The following RPTOR variants were observed in gnomAD, a reference collection of about 807,000 sequenced individuals.
The protein encoded by RPTOR is regulatory associated protein of MTOR complex 1.
In RPTOR, 21 loss-of-function variants were observed where a neutral mutation model predicts 169.9. The ratio of observed to expected loss-of-function variants is 0.12; its 90% CI spans 0.09 to 0.18. RPTOR has a LOEUF of 0.18. RPTOR is among the 10% of genes least tolerant of loss of function. RPTOR has a pLI of 1.00. For synonymous variants in RPTOR, 732 were observed against 753.2 expected (o/e 0.97, Z 0.46); for missense variants, 1,133 against 1,855.9 (o/e 0.61, Z 7.16).
rs117593667 is a variant in RPTOR at position 80,689,627 on chromosome 17, T to C, written c.349-18214T>C. On this transcript the variant is annotated intron_variant, in intron 3 of 33. Coordinates refer to ENST00000306801, the MANE Select transcript of RPTOR (RefSeq NM_020761.3). ...CTGCAGCGAAAAGTCAGAAAGCTAA[T>C]TGGAGGCCATTCATAGGCTGATTCT... Among the ~76,000 whole-genome samples the C allele has an allele frequency of 6.6e-3, 1,006 of 152,364 alleles. 6 individuals are homozygous for C. Among genetic ancestry groups the C allele is most frequent in the Middle Eastern group, 0.014 (4 of 294 alleles).
intron 7 of RPTOR, among the ~76,000 whole-genome samples, chr17:80,816,368 G>C (rs1186794906): frequency 6.6e-6 from 1 of 152,222 alleles, no homozygotes; most frequent in Admixed American, 6.5e-5. Flanking sequence ...TGGGGCCTCC[G>C]GGGTTTCGAG....
chr17:80,739,740 C>A, intron 5 of RPTOR, among the ~76,000 whole-genome samples: 1 of 151,550 alleles, frequency 6.6e-6, no homozygotes, highest in African/African-American at 2.4e-5. Context: ...AAAAAAAATA[C>A]ATAGAGTTAG....
intron 14 of RPTOR, among the ~76,000 whole-genome samples, chr17:80,881,269 T>C (rs2068183359): frequency 6.6e-6 from 1 of 152,242 alleles, no homozygotes; most frequent in African/African-American, 2.4e-5. Flanking sequence ...AACAGGACTA[T>C]TTTCCAAAAG....
At chr17:80,849,033 G>A (rs772547608) in intron 11 of RPTOR, among the ~76,000 whole-genome samples, 12 of 152,148 alleles carry the variant, frequency 7.9e-5, no homozygotes, top group Non-Finnish European at 1.6e-4. Context: ...ATCAATGGGC[G>A]GACCTCCACC....
At chr17:80,874,130 T>G (rs1178202701) in intron 13 of RPTOR, among the ~76,000 whole-genome samples, 2 of 152,170 alleles carry the variant, frequency 1.3e-5, no homozygotes, top group Admixed American at 6.5e-5. Context: ...GCCAGTGATT[T>G]TGCTATGGAC....
rs554544558 is a variant in RPTOR at position 80,796,788 on chromosome 17, G to A, written c.890+5279G>A. ...TTAGTGTCTTTCACTAAGAATCCAC[G>A]TCAGCACTCACAGGGTGAACTCCCG... On this transcript the variant is annotated intron_variant, in intron 7 of 33. Coordinates refer to ENST00000306801, the MANE Select transcript of RPTOR (RefSeq NM_020761.3). Among the ~76,000 whole-genome samples the A allele has an allele frequency of 8.5e-5, 13 of 152,316 alleles. No homozygotes were observed. The South Asian group carries it at 1.0e-3, about 12-fold the overall frequency.
In RPTOR at chr17:80,643,045, A is replaced by T. The variant is rs182105637; in HGVS notation, c.266-683A>T. Among the ~76,000 whole-genome samples the T allele has an allele frequency of 1.9e-3, 291 of 152,356 alleles. 1 individual carries two copies. Among genetic ancestry groups the T allele is most frequent in the African/African-American group, 6.6e-3 (276 of 41,582 alleles). ...TTAAAATGAATGAAGAAAAATATTT[A>T]AAAAATCTTAGCTGAATTTCACATA... is the stretch of plus-strand genomic sequence containing the variant. On this transcript the variant is annotated intron_variant, in intron 2 of 33. Coordinates refer to ENST00000306801, the MANE Select transcript of RPTOR (RefSeq NM_020761.3).
intron 4 of RPTOR, among the ~76,000 whole-genome samples, chr17:80,709,303 G>A (rs182012711): frequency 6.0e-4 from 91 of 152,326 alleles, no homozygotes; most frequent in Middle Eastern, 3.4e-3. Flanking sequence ...GGCCCCTGGC[G>A]TGTCTTTCTC....
chr17:80,639,165 T>C (rs765547820), intron 2 of RPTOR, among the ~76,000 whole-genome samples: 2 of 152,054 alleles, frequency 1.3e-5, no homozygotes, highest in East Asian at 3.9e-4. Flanking sequence ...TTTGCTATTA[T>C]GTATTTTCTC....
chr17:80,838,711 C>T (rs552772672), intron 10 of RPTOR, among the ~76,000 whole-genome samples: 24 of 152,302 alleles, frequency 1.6e-4, no homozygotes, highest in African/African-American at 5.8e-4. Context: ...ATGGGGGAGG[C>T]GGCAGCCTGG....
chr17:80,748,485 C>T lies in RPTOR; in HGVS notation c.655-5525C>T, dbSNP rs1341367111. Among the ~76,000 whole-genome samples the T allele has an allele frequency of 3.7e-5, 3 of 82,104 alleles. 1 individual carries two copies. Among genetic ancestry groups the T allele is most frequent in the Non-Finnish European group, 7.0e-5 (3 of 42,676 alleles). The allele number at this position is 82,104 out of a possible 152,430, so 53.9% of individuals were successfully genotyped here. On this transcript the variant is annotated intron_variant, in intron 5 of 33. Coordinates refer to ENST00000306801, the MANE Select transcript of RPTOR (RefSeq NM_020761.3). ...TGCGGTGTGTGTTTGGAAGCCTTGG[C>T]GGGAGGGCCTGTTGGATGGAGGGAC...
intron 3 of RPTOR, among the ~76,000 whole-genome samples, chr17:80,673,801 C>G (rs2065840472): frequency 6.6e-6 from 1 of 152,210 alleles, no homozygotes; most frequent in Non-Finnish European, 1.5e-5. Context: ...GCATTGGCAG[C>G]CATCAAATGG....
intron 13 of RPTOR, among the ~76,000 whole-genome samples, chr17:80,874,216 T>C (rs1203539628): frequency 6.6e-6 from 1 of 151,872 alleles, no homozygotes; most frequent in Non-Finnish European, 1.5e-5. Flanking sequence ...TTTTTTTTTT[T>C]TTAGACAGTC....
At chr17:80,694,106 C>G (rs1019067381) in intron 3 of RPTOR, among the ~76,000 whole-genome samples, 14 of 152,380 alleles carry the variant, frequency 9.2e-5, no homozygotes, top group African/African-American at 3.4e-4. Context: ...AGCTGTAGAG[C>G]AAATACAGGC....
intron 1 of RPTOR, among the ~76,000 whole-genome samples, chr17:80,598,929 T>TATC (rs1567813333): frequency 6.6e-6 from 1 of 151,862 alleles, no homozygotes; most frequent in Non-Finnish European, 1.5e-5. Context: ...TCTATCTATC[T>TATC]TTTTGAGACT....
chr17:80,545,652 C>T lies in RPTOR; in HGVS notation c.23C>T (p.Ser8Leu). 3 of 1,612,260 alleles carry T rather than the reference C, an allele frequency of 1.9e-6. No homozygotes were observed. The highest frequency in any genetic ancestry group is 2.5e-6 in the Non-Finnish European group (3 of 1,179,140). MESEMLQ[S>L]PLLGLGEEDE... is the part of the protein sequence containing the mutation. ...CTGATGGAGTCCGAAATGCTGCAAT[C>T]GCCTCTTCTGGGCCTGGGGGAGGAA... The change falls in exon 1 of 34, where the codon TCG (serine) becomes TTG (leucine). Residue 8 changes from serine to leucine, a missense_variant. By Grantham distance (145) the Ser-to-Leu change is moderately radical (BLOSUM62 -2). Around this residue, in one of 9 missense-constraint regions of RPTOR, gnomAD observed 47 missense variants for 59.5 expected, o/e 0.79. Coordinates refer to ENST00000306801, the MANE Select transcript of RPTOR (RefSeq NM_020761.3).
intron 7 of RPTOR, among the ~76,000 whole-genome samples, chr17:80,814,056 G>A (rs544082930): frequency 1.3e-5 from 2 of 152,056 alleles, no homozygotes; most frequent in South Asian, 2.1e-4. Context: ...TGGGAGGATC[G>A]CTTGAGGCTG....
At chr17:80,660,103 T>A (rs1309221550) in intron 3 of RPTOR, among the ~76,000 whole-genome samples, 3 of 151,984 alleles carry the variant, frequency 2.0e-5, no homozygotes, top group African/African-American at 7.2e-5. Flanking sequence ...AAACCCTGTC[T>A]CTACTAAAAA....
chr17:80,675,968 A>G (rs534988064), intron 3 of RPTOR, among the ~76,000 whole-genome samples: 1 of 152,312 alleles, frequency 6.6e-6, no homozygotes, highest in South Asian at 2.1e-4. Context: ...GAGAGTGTGA[A>G]TTTCACTAAA....
Sources: allele counts gnomAD v4.1 joint callset (sites outside exome capture counted in the v4.1 genomes callset), GRCh38; gene constraint gnomAD v4.1.1; regional missense constraint gnomAD v4.1.1; transcripts MANE v1.5; gene names NCBI Gene and HGNC (gene_info 2026-07-23, HGNC 2026-07-21).